Variants in PTPRN2 observed in about 807,000 individuals in gnomAD.
The protein encoded by PTPRN2 is protein tyrosine phosphatase receptor type N2.
PTPRN2 carries 74 observed loss-of-function variants against 118.8 expected under a neutral mutation model. That is an observed-to-expected ratio of 0.62 (90% CI 0.52 to 0.76). PTPRN2 has a LOEUF of 0.76. Ranked by LOEUF, PTPRN2 falls within the 30% of genes least tolerant of loss-of-function variation. The pLI is 0.00. For synonymous variants in PTPRN2, 641 were observed against 608.0 expected (o/e 1.05, Z -0.80); for missense variants, 1,481 against 1,394.4 (o/e 1.06, Z -0.99).
chr7:158,040,879 T>C (rs1808417006), intron 11 of PTPRN2, among the ~76,000 whole-genome samples: 1 of 152,064 alleles, frequency 6.6e-6, no homozygotes, highest in African/African-American at 2.4e-5. Context: ...ATTACAGGCA[T>C]GCACCACCAC....
At chr7:158,197,198 G>A (rs1826275727) in intron 4 of PTPRN2, among the ~76,000 whole-genome samples, 1 of 152,188 alleles carries the variant, frequency 6.6e-6, no homozygotes, top group Non-Finnish European at 1.5e-5. Flanking sequence ...GCTGAGTGAG[G>A]CAGTATTACT....
intron 1 of PTPRN2, among the ~76,000 whole-genome samples, chr7:158,498,034 C>T (rs1460420461): frequency 6.6e-6 from 1 of 152,268 alleles, no homozygotes; most frequent in Non-Finnish European, 1.5e-5. Context: ...TACGCCTGGT[C>T]AGTCCGCTCC....
chr7:157,631,831 C>CA (rs564048764), intron 14 of PTPRN2, among the ~76,000 whole-genome samples: 4,023 of 72,162 alleles, frequency 0.056, 118 homozygotes, highest in Middle Eastern at 0.13. Context: ...GACTCCGTCT[C>CA]AAAAAAAAAA....
chr7:158,002,865 C>G (rs1443123883), intron 11 of PTPRN2, among the ~76,000 whole-genome samples: 1 of 152,192 alleles, frequency 6.6e-6, no homozygotes, highest in African/African-American at 2.4e-5. Context: ...CCTGGACCAC[C>G]CTGGCGTGGA....
intron 12 of PTPRN2, among the ~76,000 whole-genome samples, chr7:157,888,397 T>C (rs960939155): frequency 4.6e-5 from 7 of 152,184 alleles, no homozygotes; most frequent in Admixed American, 4.6e-4. Flanking sequence ...CAGATACTGC[T>C]GAACCCACCG....
In PTPRN2 at chr7:158,165,228, G is replaced by T. The variant is rs552217191; in HGVS notation, c.910+1703C>A. 6.0e-4 allele frequency among the ~76,000 whole-genome samples: 91 copies of T among 152,138 alleles called. 14 individuals carry two copies. In the Middle Eastern group the frequency reaches 0.014, roughly 23 times the overall value. On this transcript the variant is annotated intron_variant, in intron 6 of 22. Coordinates refer to ENST00000389418, the MANE Select transcript of PTPRN2 (RefSeq NM_002847.5). ...GACCCTGATGGTGTCTAGTACCCAC[G>T]CAAGTGCAGGAGGCAGGACCATCAA...
At chr7:157,979,256 T>C (rs986598252) in intron 11 of PTPRN2, among the ~76,000 whole-genome samples, 4 of 148,794 alleles carry the variant, frequency 2.7e-5, no homozygotes, top group East Asian at 3.8e-4. Flanking sequence ...CTGAAGGAGA[T>C]GAGAGGACAT....
In PTPRN2 at chr7:157,845,288, C is replaced by T. The variant is rs929437707; in HGVS notation, c.1788+53385G>A. Among the ~76,000 whole-genome samples, 2 of 152,136 alleles carry T rather than the reference C, an allele frequency of 1.3e-5. No homozygotes were observed. The highest frequency in any genetic ancestry group is 4.8e-5 in the African/African-American group (2 of 41,448). On this transcript the variant is annotated intron_variant, in intron 12 of 22. Transcript: ENST00000389418. The surrounding 1 kb of genome is among the most constrained non-coding windows in gnomAD (Gnocchi z 4.5). ...AGATACTCGATGGCCTTTCTGTCCT[C>T]CCTGCACCACCCAGAGGACATACAC...
At position 158,490,188 on chromosome 7, in the gene PTPRN2, C is replaced by T. The variant is rs193209645; in HGVS notation, c.113-403G>A. Among the ~76,000 whole-genome samples the T allele has an allele frequency of 8.9e-3, 1,363 of 152,348 alleles. 17 individuals are homozygous for T. The highest frequency in any genetic ancestry group is 0.031 in the African/African-American group (1,284 of 41,586). On this transcript the variant is annotated intron_variant, in intron 1 of 22. Transcript: ENST00000389418. ...ACCGCGTCCCTGGAAGCAAGGCTGC[C>T]GGGCGCCGGGGAGCGGAGGCTTCCA...
At chr7:158,251,843 T>A (rs4909057) in intron 3 of PTPRN2, among the ~76,000 whole-genome samples, 1 of 152,056 alleles carries the variant, frequency 6.6e-6, no homozygotes, top group Non-Finnish European at 1.5e-5. Context: ...GCCCAGAGTA[T>A]GCTCAGCACA....
At chr7:157,576,914 G>C (rs1800083722) in intron 18 of PTPRN2, 135 bp from the exon 19 acceptor site, 2 of 928,210 alleles carry the variant, frequency 2.2e-6, no homozygotes, top group Non-Finnish European at 3.1e-6. Flanking sequence ...TTACAGCGCA[G>C]GTGGGTTCCC....
At chr7:158,405,205 C>T (rs965713502) in intron 2 of PTPRN2, among the ~76,000 whole-genome samples, 2 of 152,154 alleles carry the variant, frequency 1.3e-5, no homozygotes, top group Admixed American at 1.3e-4. Context: ...TCCACATCCT[C>T]CCGGGGTGCC....
intron 2 of PTPRN2, among the ~76,000 whole-genome samples, chr7:158,341,101 GAC>G (rs1806667484): frequency 4.6e-5 from 1 of 21,568 alleles, no homozygotes; most frequent in Non-Finnish European, 1.2e-4. Flanking sequence ...GACACCTGCA[GAC>G]GTCACTCACA....
At chr7:158,468,281 A>G (rs1328225272) in intron 2 of PTPRN2, among the ~76,000 whole-genome samples, 3 of 152,248 alleles carry the variant, frequency 2.0e-5, no homozygotes, top group African/African-American at 7.2e-5. Context: ...AACAAACCAT[A>G]GAAGTAATAA....
At chr7:158,363,485 T>C (rs534008541) in intron 2 of PTPRN2, among the ~76,000 whole-genome samples, 24 of 152,368 alleles carry the variant, frequency 1.6e-4, no homozygotes, top group African/African-American at 4.1e-4. Flanking sequence ...AGAGAGGTCC[T>C]GCAGCCCCGT....
At chr7:158,143,520 C>G (rs776039375) in intron 6 of PTPRN2, among the ~76,000 whole-genome samples, 1 of 152,160 alleles carries the variant, frequency 6.6e-6, no homozygotes, top group African/African-American at 2.4e-5. Context: ...GGACACCAGT[C>G]CCCGTGATGG....
intron 12 of PTPRN2, among the ~76,000 whole-genome samples, chr7:157,711,858 A>C (rs1798640500): frequency 6.7e-6 from 1 of 148,976 alleles, no homozygotes; most frequent in Non-Finnish European, 1.5e-5. Flanking sequence ...AGGTGTCTAA[A>C]TCCTTCGTGG....
At chr7:158,135,991 G>A (rs542918131) in intron 8 of PTPRN2, among the ~76,000 whole-genome samples, 1 of 152,312 alleles carries the variant, frequency 6.6e-6, no homozygotes, top group South Asian at 2.1e-4. Context: ...GAGGCTAAAA[G>A]ACTTAACAGG....
At chr7:157,565,645 C>G (rs1216247176) in intron 21 of PTPRN2, among the ~76,000 whole-genome samples, 1 of 152,196 alleles carries the variant, frequency 6.6e-6, no homozygotes, top group Non-Finnish European at 1.5e-5. Flanking sequence ...TGGGGAGTAC[C>G]CCCTCAGTGC....
Sources: gnomAD v4.1 joint callset for allele counts (sites outside exome capture counted in the v4.1 genomes callset) on GRCh38, gnomAD v4.1.1 for gene constraint, Gnocchi (gnomAD v3.1) non-coding constraint, MANE v1.5 for transcripts, NCBI Gene and HGNC (gene_info 2026-07-23, HGNC 2026-07-21) for gene names.